Variants in MYO3B observed in about 807,000 individuals in gnomAD.
MYO3B encodes myosin IIIB.
Under a neutral mutation model 174.6 loss-of-function variants are expected in MYO3B, and 156 were observed. The ratio of observed to expected loss-of-function variants is 0.89; its 90% CI spans 0.78 to 1.02. MYO3B has a LOEUF of 1.02. MYO3B is among the 50% of genes least tolerant of loss of function. The probability of loss-of-function intolerance (pLI) is 0.00; values close to 1 mark genes in which losing one functional copy is unlikely to be tolerated. For missense variants in MYO3B, 1,632 were observed against 1,639.4 expected (o/e 1.00, Z 0.08); for synonymous variants, 563 against 569.1 (o/e 0.99, Z 0.15).
rs531981132 is a variant in MYO3B, at chr2:170,439,301, A to G, written c.2651-4666A>G. 7.2e-5 allele frequency among the ~76,000 whole-genome samples: 11 copies of G among 151,962 alleles called. No homozygotes were observed. The South Asian group carries it at 1.0e-3, about 14-fold the overall frequency. On this transcript the variant is annotated intron_variant, in intron 22 of 34. Transcript: ENST00000408978. ...GCAGGAGAATGGCGTGAACCCAGGA[A>G]GTAGAGCTTGCAGTGAGCCAAGATT...
intron 5 of MYO3B, 148 bp from the exon 6 acceptor site, chr2:170,217,171 A>G (rs2032959): frequency 0.039 from 25,638 of 663,154 alleles, 2,440 homozygotes; most frequent in East Asian, 0.31. Context: ...CTTTTGTACT[A>G]TTGCAGCAGA....
chr2:170,484,107 TAAAGG>T (rs1685876603), intron 25 of MYO3B, among the ~76,000 whole-genome samples: 1 of 152,190 alleles, frequency 6.6e-6, no homozygotes, highest in Non-Finnish European at 1.5e-5. Flanking sequence ...AGATTTTTCT[TAAAGG>T]GAAGAAGAGA....
intron 3 of MYO3B, among the ~76,000 whole-genome samples, chr2:170,211,942 T>TAA (rs35573351): frequency 7.2e-6 from 1 of 139,232 alleles, no homozygotes; most frequent in Non-Finnish European, 1.6e-5. Flanking sequence ...AATGTTTTCT[T>TAA]AAAAAAAAAA....
chr2:170,649,030 AT>A (rs1698665699), intron 32 of MYO3B, among the ~76,000 whole-genome samples: 1 of 76,902 alleles, frequency 1.3e-5, no homozygotes, highest in African/African-American at 5.6e-5. Flanking sequence ...AATATATAAA[AT>A]AATATATAAT....
Position 170,383,718 on chromosome 2 carries a change from A to T in MYO3B, c.1194A>T (p.Arg398Ser). The change falls in exon 12 of 35, where the codon AGA (arginine) becomes AGT (serine). Residue 398 changes from arginine (R) to serine (S), a missense_variant. Physicochemically the swap from Arg to Ser is moderately radical, Grantham distance 110. Coordinates refer to ENST00000408978, the MANE Select transcript of MYO3B (RefSeq NM_138995.5). ...AATTATTTTTCCTTCAGTTTTCCAGACTTTATCATGGGGTGAAACGCGCCT... is the reference window on the plus strand; with the variant it reads ...AATTATTTTTCCTTCAGTTTTCCAGTCTTTATCATGGGGTGAAACGCGCCT... ...NLSIYSPQFS[R>S]LYHGVKRASN... 6.2e-7 allele frequency: 1 copy of T among 1,613,016 alleles called. No homozygotes were observed. The highest frequency in any genetic ancestry group is 8.5e-7 in the Non-Finnish European group (1 of 1,179,190).
intron 28 of MYO3B, 65 bp downstream of exon 28, chr2:170,501,930 T>C (rs1687298769): frequency 8.8e-7 from 1 of 1,133,518 alleles, no homozygotes; most frequent in South Asian, 1.3e-5. Flanking sequence ...TCTGTGAATG[T>C]AGAAAAGCTG....
At chr2:170,394,228 C>G (rs1402618918) in intron 16 of MYO3B, among the ~76,000 whole-genome samples, 1 of 152,196 alleles carries the variant, frequency 6.6e-6, no homozygotes, top group East Asian at 1.9e-4. Flanking sequence ...TTATACCCTA[C>G]TGCTCAAGGT....
At chr2:170,565,358 T>A (rs1691999355) in intron 32 of MYO3B, among the ~76,000 whole-genome samples, 1 of 152,214 alleles carries the variant, frequency 6.6e-6, no homozygotes, top group South Asian at 2.1e-4. Flanking sequence ...AAGTTTGTAC[T>A]GAAACAAAAA....
intron 9 of MYO3B, among the ~76,000 whole-genome samples, chr2:170,378,761 C>A (rs1256983049): frequency 6.6e-6 from 1 of 152,150 alleles, no homozygotes; most frequent in East Asian, 1.9e-4. Flanking sequence ...AGGTTTGGTC[C>A]ATGCTTCCAT....
At chr2:170,497,925 A>G (rs1050793956) in intron 25 of MYO3B, among the ~76,000 whole-genome samples, 4 of 134,918 alleles carry the variant, frequency 3.0e-5, no homozygotes, top group African/African-American at 1.1e-4. Context: ...AGCCTGGGCA[A>G]CAAGAGTGAA....
At chr2:170,318,454 T>C (rs192486021) in intron 7 of MYO3B, among the ~76,000 whole-genome samples, 1 of 152,286 alleles carries the variant, frequency 6.6e-6, no homozygotes, top group Non-Finnish European at 1.5e-5. Context: ...TGGCACATGG[T>C]GAAGGAGATG....
At chr2:170,526,939 GA>G (rs1286457307) in intron 30 of MYO3B, among the ~76,000 whole-genome samples, 8 of 152,170 alleles carry the variant, frequency 5.3e-5, no homozygotes, top group Non-Finnish European at 1.2e-4. Flanking sequence ...AGATTCCAAG[GA>G]CCAGAGGCCT....
intron 32 of MYO3B, among the ~76,000 whole-genome samples, chr2:170,628,173 C>G (rs1484633598): frequency 6.6e-6 from 1 of 152,218 alleles, no homozygotes; most frequent in African/African-American, 2.4e-5. Context: ...GGCAGGCCTC[C>G]TTGAGCTGCA....
chr2:170,554,010 G>A (rs1487896671), intron 32 of MYO3B, among the ~76,000 whole-genome samples: 1 of 152,114 alleles, frequency 6.6e-6, no homozygotes, highest in Non-Finnish European at 1.5e-5. Flanking sequence ...CATGCCTCCT[G>A]TACAGATTAT....
intron 16 of MYO3B, among the ~76,000 whole-genome samples, 174 bp from the exon 17 acceptor site, chr2:170,400,014 T>C (rs1366796889): frequency 2.6e-5 from 4 of 152,154 alleles, no homozygotes. Flanking sequence ...ATTGTTAAAA[T>C]GTAGTTATAT....
chr2:170,315,931 A>G lies in MYO3B; in HGVS notation c.750-19454A>G, dbSNP rs370489316. Reference sequence around the variant, plus strand: ...CCCTGATCCTGACAGATATCTGGAAAAAATCACATTCTTTGTCTCCTAGGA... The same window carrying G: ...CCCTGATCCTGACAGATATCTGGAAGAAATCACATTCTTTGTCTCCTAGGA... On this transcript the variant is annotated intron_variant, in intron 7 of 34. Transcript: ENST00000408978. Among the ~76,000 whole-genome samples, 32 of 152,364 alleles carry G rather than the reference A, an allele frequency of 2.1e-4. 1 individual carries two copies. The highest frequency in any genetic ancestry group is 7.0e-4 in the African/African-American group (29 of 41,578).
At chr2:170,624,380 G>A (rs1168161369) in intron 32 of MYO3B, among the ~76,000 whole-genome samples, 1 of 152,018 alleles carries the variant, frequency 6.6e-6, no homozygotes, top group African/African-American at 2.4e-5. Flanking sequence ...TGTTATTGGT[G>A]TATAAGACTG....
chr2:170,382,941 G>T (rs2094346211), intron 10 of MYO3B, 132 bp from the exon 11 acceptor site: 1 of 633,246 alleles, frequency 1.6e-6, no homozygotes. Flanking sequence ...TAGGGTCATT[G>T]TATGATTTAA....
At chr2:170,641,923 T>TA (rs11349285) in intron 32 of MYO3B, among the ~76,000 whole-genome samples, 39 of 138,232 alleles carry the variant, frequency 2.8e-4, no homozygotes, top group African/African-American at 5.8e-4. Flanking sequence ...ATTTTTTAGT[T>TA]AAAAAAAAAA....
Sources: gnomAD v4.1 joint callset for allele counts (sites outside exome capture counted in the v4.1 genomes callset) on GRCh38, gnomAD v4.1.1 for gene constraint, MANE v1.5 for transcripts, NCBI Gene and HGNC (gene_info 2026-07-23, HGNC 2026-07-21) for gene names.